Variants in DYSF observed in about 807,000 individuals in gnomAD.
DYSF encodes dystrophy-associated fer-1-like 1.
DYSF carries 212 observed loss-of-function variants against 274.9 expected under a neutral mutation model. The observed-to-expected ratio is 0.77, with a 90% CI of 0.69 to 0.86. DYSF has a LOEUF of 0.86. Ranked by LOEUF, DYSF falls within the 40% of genes least tolerant of loss-of-function variation. The pLI, the probability that DYSF is intolerant of heterozygous loss-of-function variation, is 0.00. For synonymous variants in DYSF, 1,091 were observed against 1,078.7 expected, an observed-to-expected ratio of 1.01 and a Z score of -0.22; for missense variants, 2,666 against 2,783.2, an observed-to-expected ratio of 0.96 and a Z score of 0.95.
upstream of DYSF, among the ~76,000 whole-genome samples, chr2:71,463,773 G>A (rs1416885468): frequency 6.6e-6 from 1 of 152,204 alleles, no homozygotes; most frequent in East Asian, 1.9e-4. Context: ...TCTTTCCAGG[G>A]GAACAACTTA....
intron 52 of DYSF, among the ~76,000 whole-genome samples, chr2:71,676,307 T>C (rs1377650429): frequency 1.3e-5 from 2 of 151,762 alleles, no homozygotes; most frequent in East Asian, 1.9e-4. Flanking sequence ...CCCTAAACTT[T>C]TGCTACCACT....
intron 42 of DYSF, among the ~76,000 whole-genome samples, chr2:71,654,495 G>A (rs2152935435): frequency 6.6e-6 from 1 of 152,192 alleles, no homozygotes; most frequent in East Asian, 1.9e-4. Context: ...AAAAAATAAT[G>A]TTGATGGCTG....
intron 14 of DYSF, among the ~76,000 whole-genome samples, chr2:71,531,729 C>T (rs544672043): frequency 3.9e-5 from 6 of 152,130 alleles, no homozygotes; most frequent in South Asian, 4.1e-4. Context: ...TGCTGTCTGG[C>T]GTTCCTCAGC....
chr2:71,645,627 G>T (rs768438441), intron 42 of DYSF, among the ~76,000 whole-genome samples: 2 of 93,372 alleles, frequency 2.1e-5, no homozygotes, highest in African/African-American at 4.5e-5. Flanking sequence ...AAACAGAAAT[G>T]CCTGTCCTCC....
intron 42 of DYSF, among the ~76,000 whole-genome samples, chr2:71,654,471 G>T (rs116677992): frequency 6.6e-6 from 1 of 152,108 alleles, no homozygotes; most frequent in Non-Finnish European, 1.5e-5. Flanking sequence ...CTCCCACACC[G>T]TATAAGTGGT....
intron 1 of DYSF, among the ~76,000 whole-genome samples, chr2:71,479,588 A>G (rs2082716526): frequency 6.6e-6 from 1 of 152,100 alleles, no homozygotes; most frequent in African/African-American, 2.4e-5. Flanking sequence ...ACTGCTGTAG[A>G]ACCTACCCTA....
At chr2:71,553,758 C>G in intron 20 of DYSF, 49 bp from the exon 21 acceptor site, 1 of 1,329,360 alleles carries the variant, frequency 7.5e-7, no homozygotes, top group Non-Finnish European at 1.0e-6. Context: ...CCCCATCCCA[C>G]CCGCCCTCCA....
chr2:71,677,799 G>C (rs914477728), intron 52 of DYSF, among the ~76,000 whole-genome samples: 2 of 152,196 alleles, frequency 1.3e-5, no homozygotes, highest in Non-Finnish European at 1.5e-5. Flanking sequence ...TTGAAAAGCT[G>C]ATCATAGAAT....
intron 42 of DYSF, among the ~76,000 whole-genome samples, chr2:71,647,327 A>G (rs575129002): frequency 6.6e-6 from 1 of 152,370 alleles, no homozygotes; most frequent in African/African-American, 2.4e-5. Context: ...ACAAAATTTG[A>G]TCACATATTA....
rs757047049 is a variant in DYSF at position 71,528,320 on chromosome 2, C to T, written c.1299C>T (p.Asn433=). The T allele has an allele frequency of 8.7e-6, 14 of 1,614,084 alleles. No individual in the cohort carries two copies. Among genetic ancestry groups the T allele is most frequent in the Admixed American group, 1.7e-5 (1 of 60,014 alleles). The change falls in exon 14 of 56, where the codon AAC becomes AAT. Residue 433 remains asparagine (N), a synonymous_variant. Transcript: ENST00000410020. ...LPQMDDAVMD[N]VKQIFGFESN... ...CAGTGGACGATGCCGTGATGGACAA[C>T]GTGAAACAGATCTTTGGCTTCGAGA...
At chr2:71,497,281 A>G (rs1415769460) in intron 3 of DYSF, among the ~76,000 whole-genome samples, 1 of 152,186 alleles carries the variant, frequency 6.6e-6, no homozygotes, top group Non-Finnish European at 1.5e-5. Context: ...GAGTTTTTAA[A>G]GACTGTTTGG....
chr2:71,513,159 G>A, intron 5 of DYSF, 81 bp from the exon 6 acceptor site: 1 of 1,344,322 alleles, frequency 7.4e-7, no homozygotes, highest in Non-Finnish European at 1.0e-6. Context: ...GCAGGGTTGG[G>A]GATGGAGGTG....
chr2:71,481,827 C>T, intron 2 of DYSF, 52 bp from the exon 3 acceptor site: 1 of 1,485,324 alleles, frequency 6.7e-7, no homozygotes, highest in Non-Finnish European at 9.4e-7. Context: ...CAGACACAGT[C>T]TCTTCTCCTA....
rs369554086 is a variant in DYSF, at chr2:71,535,058, A to G, written c.1418A>G (p.Gln473Arg). 6.2e-7 allele frequency: 1 copy of G among 1,614,032 alleles called. No individual in the cohort carries two copies. The highest frequency in any genetic ancestry group is 8.5e-7 in the Non-Finnish European group (1 of 1,180,036). The change falls in exon 15 of 56, where the codon CAG (glutamine) becomes CGG (arginine). Residue 473 changes from glutamine to arginine, a missense_variant. Physicochemically the swap from Gln to Arg is conservative, Grantham distance 43 (BLOSUM62 1). Coordinates refer to ENST00000410020, the MANE Select transcript of DYSF (RefSeq NM_001130987.2). The stretch of plus-strand genomic sequence containing the variant: ...ATCTTGGAGAAGACGGCCAACCCTC[A>G]GTGGAACCAGAACATCACACTGCCT... The part of the protein sequence containing the change: ...SKILEKTANP[Q>R]WNQNITLPAM...
chr2:71,588,019 G>C (rs796733513), intron 30 of DYSF, among the ~76,000 whole-genome samples: 35 of 152,232 alleles, frequency 2.3e-4, no homozygotes, highest in African/African-American at 8.4e-4. Context: ...GGCAGGCTTT[G>C]CTTAGGTGTC....
chr2:71,589,522 C>G (rs2093185614), intron 30 of DYSF, 71 bp from the exon 31 acceptor site: 2 of 1,245,830 alleles, frequency 1.6e-6, no homozygotes, highest in South Asian at 1.2e-5. Flanking sequence ...GGATCTAACT[C>G]TCTGGGCTAG....
intron 3 of DYSF, among the ~76,000 whole-genome samples, chr2:71,496,539 C>A (rs1305756862): frequency 6.6e-6 from 1 of 152,190 alleles, no homozygotes; most frequent in Non-Finnish European, 1.5e-5. Flanking sequence ...AGACATATAG[C>A]TGTCTATGTA....
intron 36 of DYSF, among the ~76,000 whole-genome samples, chr2:71,606,993 G>A (rs11884233): frequency 0.41 from 62,557 of 151,954 alleles, 12,989 homozygotes; most frequent in South Asian, 0.47. Flanking sequence ...TCATTTATTT[G>A]TTGGACGGGG....
intron 42 of DYSF, among the ~76,000 whole-genome samples, chr2:71,647,731 G>A (rs544957895): frequency 1.3e-5 from 2 of 152,336 alleles, no homozygotes; most frequent in South Asian, 2.1e-4. Flanking sequence ...CTTTCTAATG[G>A]AAGAATGTTG....
Sources: gnomAD v4.1 joint callset for allele counts (sites outside exome capture counted in the v4.1 genomes callset) on GRCh38, gnomAD v4.1.1 for gene constraint, MANE v1.5 for transcripts, NCBI Gene and HGNC (gene_info 2026-07-23, HGNC 2026-07-21) for gene names.